MDH2: variants seen among roughly 807,000 people sequenced by gnomAD.
MDH2 encodes the protein malate dehydrogenase 2.
Under a neutral mutation model 33.6 loss-of-function variants are expected in MDH2, and 25 were observed. The ratio of observed to expected loss-of-function variants is 0.74; its 90% CI spans 0.54 to 1.04. The LOEUF (loss-of-function observed/expected upper bound fraction) is 1.04, where lower values mean the gene tolerates loss of function less well. Ranked by LOEUF, MDH2 falls within the 50% of genes least tolerant of loss-of-function variation. The probability of loss-of-function intolerance (pLI) is 0.00; values close to 1 mark genes in which losing one functional copy is unlikely to be tolerated. For missense variants in MDH2, 432 were observed against 445.0 expected (o/e 0.97, Z 0.26); for synonymous variants, 193 against 188.7 (o/e 1.02, Z -0.19).
intron 1 of MDH2, among the ~76,000 whole-genome samples, chr7:76,050,741 T>C (rs1797597448): frequency 6.6e-6 from 1 of 152,152 alleles, no homozygotes; most frequent in South Asian, 2.1e-4. Flanking sequence ...TGGGTATTCA[T>C]TGATGGTACC....
rs1585405884 is a variant in MDH2, at chr7:76,058,045, C to T, written c.396C>T (p.Cys132=). Residue 132 remains cysteine, a synonymous_variant, in exon 4 of 9, where the codon TGC becomes TGT. Coordinates refer to ENST00000315758, the MANE Select transcript of MDH2 (RefSeq NM_005918.4). ...TGACCGCTGCCTGTGCCCAGCACTG[C>T]CCGGAAGCCATGATCTGCGTCATTG... ...ATLTAACAQH[C]PEAMICVIAN... 1 of 1,613,738 alleles carries T rather than the reference C, an allele frequency of 6.2e-7. No homozygotes were observed. The highest frequency in any genetic ancestry group is 8.5e-7 in the Non-Finnish European group (1 of 1,180,038).
intron 1 of MDH2, 26 bp downstream of exon 1, chr7:76,048,252 AGGCGGAGGCCCCCCGGCCCG>A: frequency 4.6e-6 from 7 of 1,529,560 alleles, no homozygotes; most frequent in Non-Finnish European, 6.1e-6. Flanking sequence ...GGCGGCCTGC[AGGCGGAGGCCCCCCGGCCCG>A]GGCCACGTGC....
intron 1 of MDH2, chr7:76,048,995 G>GGGT: frequency 3.0e-6 from 1 of 335,202 alleles, no homozygotes; most frequent in Non-Finnish European, 3.6e-6. Flanking sequence ...GGGGGGGGGG[G>GGGT]GGGTCCGCAT....
chr7:76,057,580 G>C, intron 3 of MDH2, 87 bp downstream of exon 3: 2 of 1,376,504 alleles, frequency 1.5e-6, no homozygotes, highest in African/African-American at 2.9e-5. Context: ...GATTTAATCT[G>C]GTTGCTTTGT....
At chr7:76,056,091 G>T (rs1178587146) in intron 2 of MDH2, among the ~76,000 whole-genome samples, 1 of 152,140 alleles carries the variant, frequency 6.6e-6, no homozygotes, top group Non-Finnish European at 1.5e-5. Flanking sequence ...GCCTCCCAAA[G>T]TGCTGGGATT....
chr7:76,051,361 GC>G (rs1797622295), intron 1 of MDH2, among the ~76,000 whole-genome samples: 1 of 132,252 alleles, frequency 7.6e-6, no homozygotes, highest in South Asian at 2.3e-4. Flanking sequence ...CGCTCTTGTT[GC>G]CCAGGCTGGA....
chr7:76,058,019 C>A lies in MDH2; in HGVS notation c.370C>A (p.Leu124Met). ...CACCAATGCCACGATTGTGGCCACCCTGACCGCTGCCTGTGCCCAGCACTG... is the reference window on the plus strand; with the variant it reads ...CACCAATGCCACGATTGTGGCCACCATGACCGCTGCCTGTGCCCAGCACTG... ...FNTNATIVAT[L>M]TAACAQHCPE... The change falls in exon 4 of 9, where the codon CTG becomes ATG. Residue 124 changes from leucine (L) to methionine (M), a missense_variant. Coordinates refer to ENST00000315758, the MANE Select transcript of MDH2 (RefSeq NM_005918.4). The A allele has an allele frequency of 6.2e-7, 1 of 1,614,082 alleles. No individual in the cohort carries two copies. Among genetic ancestry groups the A allele is most frequent in the African/African-American group, 1.3e-5 (1 of 75,076 alleles).
chr7:76,061,576 A>C (rs1797950193), intron 5 of MDH2, among the ~76,000 whole-genome samples: 1 of 152,060 alleles, frequency 6.6e-6, no homozygotes, highest in Admixed American at 6.6e-5. Flanking sequence ...GGAGTTCAAG[A>C]CTGCAATGAG....
At chr7:76,065,053 A>G in intron 8 of MDH2, 100 bp downstream of exon 8, 1 of 1,404,784 alleles carries the variant, frequency 7.1e-7, no homozygotes, top group Non-Finnish European at 9.9e-7. Flanking sequence ...CAGTAAGCTC[A>G]TGTGCCTGCC....
chr7:76,060,520 C>G (rs781887319), intron 5 of MDH2, 22 bp downstream of exon 5: 1 of 1,612,164 alleles, frequency 6.2e-7, no homozygotes, highest in East Asian at 2.2e-5. Flanking sequence ...GTGGGTGTTG[C>G]TCAGGTGACC....
At position 76,048,226 on chromosome 7, in the gene MDH2, G is replaced by C; in HGVS notation, c.66G>C (p.Gln22His). Reference sequence around the variant, plus strand: ...GCCGCAGCTTCAGCACCTCGGCCCAGGTAGGCCAGACGAGGGGCGGCCTGC... The same window carrying C: ...GCCGCAGCTTCAGCACCTCGGCCCACGTAGGCCAGACGAGGGGCGGCCTGC... ...ALRRSFSTSAQNNAKVAVLGA... is the reference protein window; with the variant it reads ...ALRRSFSTSAHNNAKVAVLGA... Residue 22 changes from glutamine (Q) to histidine (H), a missense_variant and splice_region_variant, in exon 1 of 9, where the codon CAG becomes CAC. Transcript: ENST00000315758. 1 of 1,534,676 alleles carries C rather than the reference G, an allele frequency of 6.5e-7. No individual in the cohort carries two copies.
rs1446598274 is a variant in MDH2, at chr7:76,067,080, C to A, written c.*670C>A. The A allele has an allele frequency of 6.6e-6, 1 of 152,258 alleles. No homozygotes were observed. Among genetic ancestry groups the A allele is most frequent in the Admixed American group, 6.5e-5 (1 of 15,286 alleles). 9.4% of individuals were successfully genotyped at this position (152,258 alleles called of 1,614,324 possible). A position where few individuals can be genotyped will look rare whatever the true frequency, so the allele number is the denominator to read the frequency against. On this transcript the variant is annotated 3_prime_UTR_variant, in exon 9 of 9. Coordinates refer to ENST00000315758, the MANE Select transcript of MDH2 (RefSeq NM_005918.4). ...TTTGGGACAGCCCAAACCCCAGCCG[C>A]TGTGTCAAGGCCTAGGACGCCATGC...
intron 1 of MDH2, chr7:76,054,451 G>T: frequency 3.7e-6 from 1 of 268,808 alleles, no homozygotes; most frequent in South Asian, 3.7e-5. Flanking sequence ...GGATCTTCCT[G>T]CAACCTCAGT....
chr7:76,061,642 TAA>T (rs60567434), intron 5 of MDH2, among the ~76,000 whole-genome samples: 6 of 134,778 alleles, frequency 4.5e-5, no homozygotes, highest in Admixed American at 7.4e-5. Flanking sequence ...CCTGTCTCTT[TAA>T]AAAAAAAAAA....
At chr7:76,052,833 C>T (rs113838084) in intron 1 of MDH2, among the ~76,000 whole-genome samples, 1 of 152,034 alleles carries the variant, frequency 6.6e-6, no homozygotes, top group Non-Finnish European at 1.5e-5. Context: ...TGAGCCACCA[C>T]GCCCAGCCCA....
Position 76,054,977 on chromosome 7 carries a change from G to C in MDH2, c.214G>C (p.Glu72Gln). The change falls in exon 2 of 9, where the codon GAG becomes CAG. Residue 72 changes from glutamate to glutamine, a missense_variant. Physicochemically the swap from Glu to Gln is conservative, Grantham distance 29. Transcript: ENST00000315758. Reference sequence around the variant, plus strand: ...AGTGGCCGCAGATCTGAGCCACATCGAGACCAAAGCCGCTGTGAAAGGTAC... The same window carrying C: ...AGTGGCCGCAGATCTGAGCCACATCCAGACCAAAGCCGCTGTGAAAGGTAC... ...PGVAADLSHI[E>Q]TKAAVKGYLG... 6.2e-7 allele frequency: 1 copy of C among 1,613,778 alleles called. No homozygotes were observed. The highest frequency in any genetic ancestry group is 8.5e-7 in the Non-Finnish European group (1 of 1,179,860).
At chr7:76,065,060 T>C in intron 8 of MDH2, 107 bp downstream of exon 8, 2 of 1,349,850 alleles carry the variant, frequency 1.5e-6, no homozygotes, top group Non-Finnish European at 2.1e-6. Context: ...CTCATGTGCC[T>C]GCCTGGCGAG....
chr7:76,055,564 C>G (rs1797745944), intron 2 of MDH2, among the ~76,000 whole-genome samples: 1 of 151,700 alleles, frequency 6.6e-6, no homozygotes, highest in Non-Finnish European at 1.5e-5. Flanking sequence ...GGCGAGACCC[C>G]TATCTCAACA....
chr7:76,048,624 T>C (rs13239554), intron 1 of MDH2: 1 of 1,275,414 alleles, frequency 7.8e-7, no homozygotes, highest in Admixed American at 3.9e-5. Context: ...TCCGTGTGAG[T>C]TGTGCGTGAA....
Sources: gnomAD v4.1 joint callset for allele counts (sites outside exome capture counted in the v4.1 genomes callset) on GRCh38, gnomAD v4.1.1 for gene constraint, MANE v1.5 for transcripts, NCBI Gene and HGNC (gene_info 2026-07-23, HGNC 2026-07-21) for gene names.